The following RGSL1 variants were observed in gnomAD, a reference collection of about 807,000 sequenced individuals.
RGSL1 encodes regulator of G protein signaling protein-like.
Under a neutral mutation model 124.7 loss-of-function variants are expected in RGSL1, and 97 were observed. The ratio of observed to expected loss-of-function variants is 0.78; its 90% CI spans 0.66 to 0.92. The LOEUF (loss-of-function observed/expected upper bound fraction) is 0.92. RGSL1 is among the 40% of genes least tolerant of loss of function. The pLI is 0.00. For missense variants in RGSL1, 1,233 were observed against 1,288.4 expected, an observed-to-expected ratio of 0.96 and a Z score of 0.66; for synonymous variants, 424 against 438.1, an observed-to-expected ratio of 0.97 and a Z score of 0.40.
intron 2 of RGSL1, among the ~76,000 whole-genome samples, chr1:182,455,956 G>C (rs923601289): frequency 2.0e-4 from 30 of 152,216 alleles, no homozygotes; most frequent in Admixed American, 5.2e-4. Flanking sequence ...GTGGGCAGGA[G>C]ACCTTAATGG....
chr1:182,551,702 T>C (rs1044999354), intron 18 of RGSL1, among the ~76,000 whole-genome samples: 7 of 151,978 alleles, frequency 4.6e-5, no homozygotes, highest in African/African-American at 1.7e-4. Context: ...TATTTACTTA[T>C]GTAAAAATTC....
intron 20 of RGSL1, chr1:182,555,143 G>A (rs74382418): frequency 0.016 from 2,601 of 160,808 alleles, 80 homozygotes; most frequent in African/African-American, 0.059. Context: ...TCCCACTCTC[G>A]CACTCTTCCA....
chr1:182,455,710 T>C (rs569666296), intron 2 of RGSL1, among the ~76,000 whole-genome samples: 1 of 152,298 alleles, frequency 6.6e-6, no homozygotes, highest in African/African-American at 2.4e-5. Flanking sequence ...CCTTTGACAC[T>C]TTGGGGCAAA....
At chr1:182,523,546 T>C (rs1408042016) in intron 10 of RGSL1, among the ~76,000 whole-genome samples, 1 of 152,146 alleles carries the variant, frequency 6.6e-6, no homozygotes, top group Non-Finnish European at 1.5e-5. Flanking sequence ...TAAGCATGAA[T>C]ACCACAGAAG....
chr1:182,556,113 C>A lies in RGSL1; in HGVS notation c.*56C>A. On this transcript the variant is annotated 3_prime_UTR_variant, in exon 21 of 22. Coordinates refer to ENST00000294854, the MANE Select transcript of RGSL1 (RefSeq NM_001137669.2). The stretch of plus-strand genomic sequence containing the variant: ...TCTCTTAGAGGCCTCCTAACACTGA[C>A]AGAAACTTTTCTGGTCAAAAATGAA... 1 of 1,488,910 alleles carries A rather than the reference C, an allele frequency of 6.7e-7. No homozygotes were observed. The highest frequency in any genetic ancestry group is 9.1e-7 in the Non-Finnish European group (1 of 1,099,112). 92.2% of individuals were successfully genotyped at this position (1,488,910 alleles called of 1,614,324 possible).
chr1:182,534,600 G>A (rs750125952), intron 14 of RGSL1, among the ~76,000 whole-genome samples: 18 of 152,308 alleles, frequency 1.2e-4, no homozygotes, highest in Admixed American at 4.6e-4. Context: ...GGCCGAGGCC[G>A]GTGGATCACT....
At chr1:182,484,498 G>A (rs73057380) in intron 6 of RGSL1, among the ~76,000 whole-genome samples, 15,826 of 152,172 alleles carry the variant, frequency 0.1, 994 homozygotes, top group South Asian at 0.18. Context: ...AGCAACTGGA[G>A]GGATAGATGG....
At chr1:182,478,376 T>C (rs1159511688) in intron 6 of RGSL1, among the ~76,000 whole-genome samples, 1 of 152,098 alleles carries the variant, frequency 6.6e-6, no homozygotes, top group African/African-American at 2.4e-5. Context: ...AAGAGCCAAA[T>C]AGAAATCCTG....
chr1:182,532,798 C>A lies in RGSL1; in HGVS notation c.2494+7C>A, dbSNP rs266534. On this transcript the variant is annotated splice_region_variant and intron_variant, in intron 14 of 21. Coordinates refer to ENST00000294854, the MANE Select transcript of RGSL1 (RefSeq NM_001137669.2). ...ATGCAAAATAGCAAGGAAAGTAAGTCATTTCTGTATTTACCCCCACTCCCT... is the reference window on the plus strand; with the variant it reads ...ATGCAAAATAGCAAGGAAAGTAAGTAATTTCTGTATTTACCCCCACTCCCT... 1,007,160 of 1,546,660 alleles carry A rather than the reference C, an allele frequency of 0.65. 332,269 individuals are homozygous for A. Among genetic ancestry groups the A allele is most frequent in the Non-Finnish European group, 0.68 (776,504 of 1,143,550 alleles).
At chr1:182,452,125 G>T (rs540192486) in intron 1 of RGSL1, among the ~76,000 whole-genome samples, 4 of 152,138 alleles carry the variant, frequency 2.6e-5, no homozygotes, top group Non-Finnish European at 5.9e-5. Flanking sequence ...TGGGAATGTA[G>T]GAAAAGGAGC....
chr1:182,455,655 C>A (rs1362035144), intron 2 of RGSL1, among the ~76,000 whole-genome samples: 1 of 151,762 alleles, frequency 6.6e-6, no homozygotes, highest in African/African-American at 2.4e-5. Context: ...AAAACAAAAG[C>A]ATTATAGACA....
intron 9 of RGSL1, among the ~76,000 whole-genome samples, chr1:182,508,747 A>G (rs1312760334): frequency 7.6e-6 from 1 of 130,930 alleles, no homozygotes. Context: ...GGGATTTGGC[A>G]GGGTCATGGG....
intron 14 of RGSL1, among the ~76,000 whole-genome samples, chr1:182,537,503 T>G (rs1158142864): frequency 6.6e-6 from 1 of 152,230 alleles, no homozygotes; most frequent in African/African-American, 2.4e-5. Context: ...GTTGTAAATT[T>G]TATCTTTTTA....
At chr1:182,481,412 C>T (rs1447088531) in intron 6 of RGSL1, among the ~76,000 whole-genome samples, 2 of 152,096 alleles carry the variant, frequency 1.3e-5, no homozygotes, top group Non-Finnish European at 2.9e-5. Flanking sequence ...AAAGCCTGAA[C>T]AGACCAATAA....
In RGSL1 at chr1:182,554,619, C is replaced by T; in HGVS notation, c.3131-8C>T. 6.4e-7 allele frequency: 1 copy of T among 1,551,404 alleles called. No homozygotes were observed. Among genetic ancestry groups the T allele is most frequent in the Non-Finnish European group, 8.7e-7 (1 of 1,146,862 alleles). ...CCTGATGCAATTTTTCTCTGTATTT[C>T]TCTTTAGCTTCATCAAGCAAACTTA... On this transcript the variant is annotated splice_region_variant and splice_polypyrimidine_tract_variant and intron_variant, in intron 19 of 21. Coordinates refer to ENST00000294854, the MANE Select transcript of RGSL1 (RefSeq NM_001137669.2).
chr1:182,472,324 A>C, intron 4 of RGSL1, 72 bp from the exon 5 acceptor site: 1 of 1,383,044 alleles, frequency 7.2e-7, no homozygotes, highest in Non-Finnish European at 9.7e-7. Context: ...ATGTCAGTTG[A>C]TTCACCCAGA....
At chr1:182,558,629 C>G (rs897859086) in intron 21 of RGSL1, among the ~76,000 whole-genome samples, 11 of 152,102 alleles carry the variant, frequency 7.2e-5, no homozygotes, top group African/African-American at 2.7e-4. Context: ...GAGAGCCGTT[C>G]CCAGTTTCTG....
chr1:182,536,066 G>T (rs1279260593), intron 14 of RGSL1, among the ~76,000 whole-genome samples: 1 of 152,114 alleles, frequency 6.6e-6, no homozygotes, highest in African/African-American at 2.4e-5. Flanking sequence ...ATAGTCTTTT[G>T]TGACCAGCTT....
At chr1:182,454,172 C>A (rs1350685924) in intron 2 of RGSL1, 132 bp downstream of exon 2, 1 of 631,052 alleles carries the variant, frequency 1.6e-6, no homozygotes, top group Non-Finnish European at 2.8e-6. Flanking sequence ...AATAAAAAAA[C>A]TCTTTTAATT....
Sources: gnomAD v4.1 joint callset for allele counts (sites outside exome capture counted in the v4.1 genomes callset) on GRCh38, gnomAD v4.1.1 for gene constraint, MANE v1.5 for transcripts, NCBI Gene and HGNC (gene_info 2026-07-23, HGNC 2026-07-21) for gene names.